TARS3: variants seen among roughly 807,000 people sequenced by gnomAD.
TARS3 encodes threonine--tRNA ligase 2, cytoplasmic.
Under a neutral mutation model 103.5 loss-of-function variants are expected in TARS3, and 94 were observed. The observed-to-expected ratio is 0.91, with a 90% CI of 0.77 to 1.08. The LOEUF (loss-of-function observed/expected upper bound fraction) is 1.08, where lower values mean the gene tolerates loss of function less well. TARS3 is among the 50% of genes least tolerant of loss of function. The probability of loss-of-function intolerance (pLI) is 0.00; values close to 1 mark genes in which losing one functional copy is unlikely to be tolerated. For missense variants in TARS3, 952 were observed against 995.2 expected, an observed-to-expected ratio of 0.96 and a Z score of 0.58; for synonymous variants, 416 against 355.4, an observed-to-expected ratio of 1.17 and a Z score of -1.92.
At chr15:101,702,962 G>C (rs2141431500) in intron 8 of TARS3, among the ~76,000 whole-genome samples, 1 of 152,314 alleles carries the variant, frequency 6.6e-6, no homozygotes, top group East Asian at 1.9e-4. Flanking sequence ...GGAAGGCTAA[G>C]CAGCAATCAT....
At chr15:101,689,024 CA>C (rs1376753565) in intron 10 of TARS3, among the ~76,000 whole-genome samples, 2 of 152,074 alleles carry the variant, frequency 1.3e-5, no homozygotes, top group African/African-American at 4.8e-5. Context: ...TTTTGGTGCC[CA>C]AAGTATGTTT....
rs181239377 is a variant in TARS3 at position 101,676,569 on chromosome 15, G to C, written c.1651-832C>G. Among the ~76,000 whole-genome samples, 178 of 152,258 alleles carry C rather than the reference G, an allele frequency of 1.2e-3. 5 individuals are homozygous for C. The highest frequency in any genetic ancestry group is 0.01 in the Admixed American group (153 of 15,300). ...GCTGGAATGCAGTGGTGTGGTCTTG[G>C]CTCACTGCAACCTCTGCCTCTCGGG... On this transcript the variant is annotated intron_variant, in intron 12 of 18. Coordinates refer to ENST00000335968, the MANE Select transcript of TARS3 (RefSeq NM_152334.3).
chr15:101,654,654 TA>T lies in TARS3; in HGVS notation c.2336del (p.Leu779Ter). The T allele has an allele frequency of 6.2e-7, 1 of 1,614,210 alleles. No individual in the cohort carries two copies. The highest frequency in any genetic ancestry group is 1.1e-5 in the South Asian group (1 of 91,084). On this transcript the variant is annotated frameshift_variant, in exon 19 of 19. Transcript: ENST00000335968. LOFTEE classifies it high-confidence loss of function. Reference protein sequence around the residue: ...TRDNKIHGEILVTSAIDKLKN... With the variant: ...TRDNKIHGEIXVTSAIDKLKN... Reference sequence around the variant, plus strand: ...TCAGTTTATCAATGGCAGAAGTTACTAAAATCTCTCCATGAATTTTGTTGTC... The same window carrying T: ...TCAGTTTATCAATGGCAGAAGTTACTAAATCTCTCCATGAATTTTGTTGTC...
chr15:101,696,197 C>T (rs948572458), intron 10 of TARS3, among the ~76,000 whole-genome samples: 15 of 104,934 alleles, frequency 1.4e-4, no homozygotes, highest in African/African-American at 4.3e-4. Flanking sequence ...GGCAACAGAG[C>T]GAGACTTTGT....
rs186136268 is a variant in TARS3, at chr15:101,718,800, C to T, written c.566+2326G>A. 3.4e-3 allele frequency among the ~76,000 whole-genome samples: 512 copies of T among 152,284 alleles called. 2 individuals carry two copies. Among genetic ancestry groups the T allele is most frequent in the African/African-American group, 0.011 (451 of 41,562 alleles). The stretch of plus-strand genomic sequence containing the variant: ...TAAGTGAGATTACTTTCATGTGGAA[C>T]GGATTAGCTGCAAACAGACCAGAGC... On this transcript the variant is annotated intron_variant, in intron 3 of 18. Transcript: ENST00000335968.
chr15:101,675,984 G>A (rs950256408), intron 12 of TARS3, among the ~76,000 whole-genome samples: 16 of 152,332 alleles, frequency 1.1e-4, no homozygotes, highest in African/African-American at 3.4e-4. Context: ...ACAGGAGAGC[G>A]GCACGGAGGG....
At chr15:101,722,934 A>G (rs569574384) in intron 2 of TARS3, among the ~76,000 whole-genome samples, 159 bp downstream of exon 2, 14 of 152,304 alleles carry the variant, frequency 9.2e-5, no homozygotes, top group African/African-American at 3.4e-4. Context: ...ATTTCTCAAG[A>G]CATCTCATAT....
intron 10 of TARS3, among the ~76,000 whole-genome samples, chr15:101,694,661 C>T (rs1013874424): frequency 2.6e-5 from 4 of 152,100 alleles, no homozygotes; most frequent in African/African-American, 7.2e-5. Flanking sequence ...TCTCCAGCAA[C>T]GTACTTTAAA....
At chr15:101,675,294 A>G (rs902483469) in intron 13 of TARS3, among the ~76,000 whole-genome samples, 1 of 152,228 alleles carries the variant, frequency 6.6e-6, no homozygotes, top group Non-Finnish European at 1.5e-5. Context: ...AATAAACCAC[A>G]CAAACCGAGA....
At chr15:101,679,805 C>G (rs1484794310) in intron 12 of TARS3, among the ~76,000 whole-genome samples, 1 of 152,142 alleles carries the variant, frequency 6.6e-6, no homozygotes, top group Non-Finnish European at 1.5e-5. Context: ...CAGTACTGGA[C>G]AGTTACTGGC....
At chr15:101,656,158 T>C (rs1897191297) in intron 18 of TARS3, 1 of 860,040 alleles carries the variant, frequency 1.2e-6, no homozygotes, top group Admixed American at 2.4e-5. Flanking sequence ...GCTATTTAAT[T>C]CTACCTTTCA....
intron 12 of TARS3, among the ~76,000 whole-genome samples, chr15:101,679,014 AT>A (rs1220012003): frequency 6.6e-6 from 1 of 152,114 alleles, no homozygotes. Flanking sequence ...AGAAATTGCT[AT>A]CATTCAAATT....
intron 4 of TARS3, among the ~76,000 whole-genome samples, chr15:101,713,672 G>C (rs1360213407): frequency 6.6e-6 from 1 of 152,242 alleles, no homozygotes; most frequent in Admixed American, 6.5e-5. Flanking sequence ...ATGTGGTGGA[G>C]TAATGCACTG....
intron 9 of TARS3, 78 bp from the exon 10 acceptor site, chr15:101,701,262 G>T: frequency 1.2e-6 from 1 of 809,706 alleles, no homozygotes; most frequent in Non-Finnish European, 1.9e-6. Context: ...ATAATACTCA[G>T]TTATTTCCAT....
Position 101,705,762 on chromosome 15 carries a change from A to T in TARS3, c.931-15T>A, listed in dbSNP as rs369314485. 4.5e-5 allele frequency: 70 copies of T among 1,568,610 alleles called. No homozygotes were observed. The highest frequency in any genetic ancestry group is 5.8e-5 in the Non-Finnish European group (66 of 1,143,950). ...AATTTATTGTACTACGAAGAAAAAC[A>T]TATTTACACATTATTACACACAATG... On this transcript the variant is annotated splice_polypyrimidine_tract_variant and intron_variant, in intron 6 of 18. Transcript: ENST00000335968.
chr15:101,723,518 C>T (rs1900597195), intron 1 of TARS3, among the ~76,000 whole-genome samples: 1 of 152,188 alleles, frequency 6.6e-6, no homozygotes, highest in Admixed American at 6.5e-5. Flanking sequence ...GACTGCAGAA[C>T]ATCTCAGCCT....
At chr15:101,700,019 G>A (rs1224422975) in intron 10 of TARS3, among the ~76,000 whole-genome samples, 1 of 152,064 alleles carries the variant, frequency 6.6e-6, no homozygotes, top group Non-Finnish European at 1.5e-5. Flanking sequence ...TAATTCTGGA[G>A]TAGGACCAAA....
intron 10 of TARS3, among the ~76,000 whole-genome samples, chr15:101,693,572 A>C (rs1898830882): frequency 1.3e-5 from 2 of 152,210 alleles, no homozygotes; most frequent in Admixed American, 1.3e-4. Context: ...TAGTAAAATG[A>C]AAACCTATGT....
At chr15:101,706,448 T>C (rs1301357313) in intron 6 of TARS3, among the ~76,000 whole-genome samples, 1 of 152,238 alleles carries the variant, frequency 6.6e-6, no homozygotes, top group African/African-American at 2.4e-5. Flanking sequence ...TAAAAATTTG[T>C]TAAAATTAAT....
Sources: allele counts gnomAD v4.1 joint callset (sites outside exome capture counted in the v4.1 genomes callset), GRCh38; gene constraint gnomAD v4.1.1; transcripts MANE v1.5; gene names NCBI Gene and HGNC (gene_info 2026-07-23, HGNC 2026-07-21).